The following PLTP variants were observed in gnomAD, a reference collection of about 807,000 sequenced individuals.
PLTP encodes BPI fold containing family E.
Under a neutral mutation model 54.1 loss-of-function variants are expected in PLTP, and 43 were observed. The observed-to-expected ratio is 0.79, with a 90% CI of 0.62 to 1.02. The LOEUF (loss-of-function observed/expected upper bound fraction) is 1.02, where lower values mean the gene tolerates loss of function less well. Ranked by LOEUF, PLTP falls within the 50% of genes least tolerant of loss-of-function variation. The pLI is 0.00. For missense variants in PLTP, 604 were observed against 645.9 expected, an observed-to-expected ratio of 0.94 and a Z score of 0.70; for synonymous variants, 263 against 264.6, an observed-to-expected ratio of 0.99 and a Z score of 0.06.
chr20:45,907,605 G>T (rs908836554), intron 7 of PLTP, 87 bp downstream of exon 7: 54 of 1,229,196 alleles, frequency 4.4e-5, no homozygotes, highest in Non-Finnish European at 6.1e-5. Flanking sequence ...TTGAACCCAG[G>T]ACTGTTCAAC....
chr20:45,899,811 A>AAAC, intron 13 of PLTP, 25 bp downstream of exon 13: 1 of 211,068 alleles, frequency 4.7e-6, no homozygotes, highest in Non-Finnish European at 8.9e-6. Context: ...AACCCAGCCC[A>AAAC]GCCCACCCAC....
chr20:45,907,801 T>C (rs1201790596), intron 6 of PLTP, 40 bp downstream of exon 6: 2 of 1,608,184 alleles, frequency 1.2e-6, no homozygotes, highest in Non-Finnish European at 1.7e-6. Context: ...AGTGAGAGCA[T>C]GCCCACCCTT....
At chr20:45,908,996 T>C (rs1369432672) in intron 5 of PLTP, among the ~76,000 whole-genome samples, 1 of 147,990 alleles carries the variant, frequency 6.8e-6, no homozygotes, top group Non-Finnish European at 1.5e-5. Flanking sequence ...GATGGAATCT[T>C]GCTCTGTCAC....
chr20:45,898,737 G>C lies in PLTP; in HGVS notation c.*204C>G. 2 of 695,674 alleles carry C rather than the reference G, an allele frequency of 2.9e-6. No homozygotes were observed. Among genetic ancestry groups the C allele is most frequent in the Non-Finnish European group, 4.8e-6 (2 of 416,702 alleles). The allele number at this position is 695,674 out of a possible 1,614,324, so 43.1% of individuals were successfully genotyped here. A position where few individuals can be genotyped will look rare whatever the true frequency, so the allele number is the denominator to read the frequency against. Reference sequence around the variant, plus strand: ...CTGATTCCATCCCAGGAACCCAACAGAGCTCAGGACAGCCCACAGGGAGGT... The same window carrying C: ...CTGATTCCATCCCAGGAACCCAACACAGCTCAGGACAGCCCACAGGGAGGT... On this transcript the variant is annotated 3_prime_UTR_variant, in exon 16 of 16. Transcript: ENST00000372431. This position sits in a 1 kb window ranked among gnomAD's most constrained non-coding sequence, Gnocchi z 4.6.
At chr20:45,899,807 G>GGGGCCGGGGCCCC in intron 13 of PLTP, 29 bp downstream of exon 13, 1 of 1,369,466 alleles carries the variant, frequency 7.3e-7, no homozygotes, top group Non-Finnish European at 1.0e-6. Context: ...CACGAACCCA[G>GGGGCCGGGGCCCC]CCCAGCCCAC....
chr20:45,909,988 C>G lies in PLTP; in HGVS notation c.283G>C (p.Ala95Pro). 1.9e-6 allele frequency: 3 copies of G among 1,614,098 alleles called. No individual in the cohort carries two copies. The highest frequency in any genetic ancestry group is 2.5e-6 in the Non-Finnish European group (3 of 1,179,994). The part of the protein sequence containing the change: ...QQELMLQITN[A>P]SLGLRFRRQL... ...CTCCGGAAGCGCAGCCCCAAGGAGG[C>G]ATTGGTGATTTGAAGCATCAGCTCC... The change falls in exon 4 of 16, where the codon GCC becomes CCC. Residue 95 changes from alanine to proline, a missense_variant. Transcript: ENST00000372431.
At chr20:45,911,309 A>C (rs1205456869) in intron 2 of PLTP, 44 bp downstream of exon 2, 10 of 1,610,950 alleles carry the variant, frequency 6.2e-6, no homozygotes, top group African/African-American at 1.4e-5. Flanking sequence ...GGCGACCCCA[A>C]CCCCGTCCGC....
At chr20:45,900,164 A>C (rs1476961907) in intron 12 of PLTP, among the ~76,000 whole-genome samples, 1 of 120,770 alleles carries the variant, frequency 8.3e-6, no homozygotes, top group Non-Finnish European at 1.6e-5. Flanking sequence ...GCTGGAGTGC[A>C]GTGGCGCGAT....
chr20:45,909,113 T>C (rs1248697053), intron 5 of PLTP, among the ~76,000 whole-genome samples: 1 of 151,808 alleles, frequency 6.6e-6, no homozygotes. Context: ...TACAGGCACG[T>C]GCCACCACGC....
intron 10 of PLTP, among the ~76,000 whole-genome samples, chr20:45,904,490 A>T (rs1431698954): frequency 6.6e-6 from 1 of 152,024 alleles, no homozygotes; most frequent in Non-Finnish European, 1.5e-5. Flanking sequence ...AAAATGTGTA[A>T]CTCTTACTCT....
At chr20:45,911,561 C>T in intron 1 of PLTP, 98 bp from the exon 2 acceptor site, 1 of 1,490,752 alleles carries the variant, frequency 6.7e-7, no homozygotes, top group South Asian at 1.2e-5. Context: ...TCGTTACCCT[C>T]CAGATAACTC....
rs1411283357 is a variant in PLTP at position 45,905,030 on chromosome 20, T to C, written c.794A>G (p.Tyr265Cys). The C allele has an allele frequency of 6.2e-7, 1 of 1,614,022 alleles. No homozygotes were observed. Among genetic ancestry groups the C allele is most frequent in the Non-Finnish European group, 8.5e-7 (1 of 1,180,022 alleles). ...PQLQEEERMV[Y>C]VAFSEFFFDS... ...GAAGAAGAACTCAGAGAAGGCCACA[T>C]ACACCATCCGCTCTTCCTCCTGCAG... Residue 265 changes from tyrosine (Y) to cysteine (C), a missense_variant, in exon 9 of 16, where the codon TAT becomes TGT. Physicochemically the swap from Tyr to Cys is radical, Grantham distance 194. Coordinates refer to ENST00000372431, the MANE Select transcript of PLTP (RefSeq NM_006227.4).
At chr20:45,910,712 T>C (rs1203710175) in intron 3 of PLTP, among the ~76,000 whole-genome samples, 1 of 151,980 alleles carries the variant, frequency 6.6e-6, no homozygotes, top group African/African-American at 2.4e-5. Flanking sequence ...CCGTTCACTT[T>C]GCCTCCATCA....
chr20:45,909,290 A>C (rs1372415254), intron 5 of PLTP, among the ~76,000 whole-genome samples: 1 of 152,010 alleles, frequency 6.6e-6, no homozygotes, highest in Non-Finnish European at 1.5e-5. Flanking sequence ...TACATATACC[A>C]ACACAAATAA....
chr20:45,906,233 A>G (rs775681742), intron 8 of PLTP, 35 bp downstream of exon 8: 1 of 1,430,242 alleles, frequency 7.0e-7, no homozygotes, highest in East Asian at 2.3e-5. Context: ...TCTTGTTAGG[A>G]AGTCAGAGGT....
intron 10 of PLTP, among the ~76,000 whole-genome samples, chr20:45,904,336 C>T (rs2083216529): frequency 6.6e-6 from 1 of 152,044 alleles, no homozygotes; most frequent in East Asian, 1.9e-4. Context: ...GTGGCACAAG[C>T]CTGTAATTCC....
chr20:45,900,945 G>A (rs2145830400), intron 12 of PLTP, among the ~76,000 whole-genome samples: 1 of 152,306 alleles, frequency 6.6e-6, no homozygotes, highest in East Asian at 1.9e-4. Context: ...ATTTATAGAT[G>A]AGGAAAATGA....
In PLTP at chr20:45,899,630, A is replaced by G. The variant is rs1314104383; in HGVS notation, c.1274T>C (p.Met425Thr). Reference sequence around the variant, plus strand: ...TCACACCCCAGCCTTACCATTGAGCATGGGCATCACCCCAATCTGCAGCAT... The same window carrying G: ...TCACACCCCAGCCTTACCATTGAGCGTGGGCATCACCCCAATCTGCAGCAT... ...KTMLQIGVMP[M>T]LNERTWRGVQ... Residue 425 changes from methionine to threonine, a missense_variant, in exon 14 of 16, where the codon ATG (methionine) becomes ACG (threonine). Coordinates refer to ENST00000372431, the MANE Select transcript of PLTP (RefSeq NM_006227.4). The G allele has an allele frequency of 1.9e-6, 3 of 1,614,074 alleles. No homozygotes were observed. The highest frequency in any genetic ancestry group is 2.5e-6 in the Non-Finnish European group (3 of 1,180,014).
chr20:45,910,036 C>T lies in PLTP; in HGVS notation c.235G>A (p.Glu79Lys), dbSNP rs747173684. ...KVTELQLTSS[E>K]LDFQPQQELM... The stretch of plus-strand genomic sequence containing the variant: ...TCCTGCTGTGGCTGGAAATCGAGCT[C>T]GGAAGATGTCAGTTGCAGCTCTGTG... Residue 79 changes from glutamate to lysine, a missense_variant, in exon 4 of 16, where the codon GAG (glutamate) becomes AAG (lysine). Glu to Lys is a moderately conservative substitution (Grantham distance 56). Transcript: ENST00000372431. 9 of 1,614,042 alleles carry T rather than the reference C, an allele frequency of 5.6e-6. No homozygotes were observed. Among genetic ancestry groups the T allele is most frequent in the African/African-American group, 1.3e-5 (1 of 75,042 alleles).
Sources: gnomAD v4.1 joint callset for allele counts (sites outside exome capture counted in the v4.1 genomes callset) on GRCh38, gnomAD v4.1.1 for gene constraint, Gnocchi (gnomAD v3.1) non-coding constraint, MANE v1.5 for transcripts, NCBI Gene and HGNC (gene_info 2026-07-23, HGNC 2026-07-21) for gene names.